The following DGLUCY variants were observed in gnomAD, a reference collection of about 807,000 sequenced individuals.
DGLUCY encodes the protein D-glutamate cyclase, mitochondrial.
Under a neutral mutation model 58.5 loss-of-function variants are expected in DGLUCY, and 58 were observed. The observed-to-expected ratio is 0.99, with a 90% CI of 0.80 to 1.23. The LOEUF is 1.23. Ranked by LOEUF, DGLUCY falls within the 50% of genes most tolerant of loss-of-function variation. The pLI is 0.00. For missense variants in DGLUCY, 779 were observed against 784.7 expected (o/e 0.99, Z 0.09); for synonymous variants, 325 against 314.1 (o/e 1.03, Z -0.37).
At position 91,181,363 on chromosome 14, in the gene DGLUCY, TAG is replaced by T. The variant is rs1179432483; in HGVS notation, c.911_912del (p.Glu304ValfsTer18). ...TCTGCTTCTCAGAAGATCAGAGAAC[TAG>T]AGTCTATGATCGGCATAGACCCAGG... On this transcript the variant is annotated frameshift_variant, in exon 8 of 14. Coordinates refer to ENST00000256324, the MANE Select transcript of DGLUCY (RefSeq NM_001102368.3). LOFTEE classifies it high-confidence loss of function. The T allele has an allele frequency of 6.2e-7, 1 of 1,613,928 alleles. No homozygotes were observed. Among genetic ancestry groups the T allele is most frequent in the African/African-American group, 1.3e-5 (1 of 75,040 alleles).
intron 7 of DGLUCY, among the ~76,000 whole-genome samples, chr14:91,176,573 T>C (rs2048865728): frequency 6.6e-6 from 1 of 152,152 alleles, no homozygotes; most frequent in African/African-American, 2.4e-5. Context: ...CAGAGCACTT[T>C]GTCTTACAAC....
chr14:91,114,201 T>G lies in DGLUCY; in HGVS notation c.-164T>G, dbSNP rs2044769795. The G allele has an allele frequency of 6.6e-6, 1 of 152,320 alleles. No homozygotes were observed. Among genetic ancestry groups the G allele is most frequent in the African/African-American group, 2.4e-5 (1 of 41,454 alleles). The allele number at this position is 152,320 out of a possible 1,614,324, so 9.4% of individuals were successfully genotyped here. A position where few individuals can be genotyped will look rare whatever the true frequency, so the allele number is the denominator to read the frequency against. ...AAGAAAGGGGGCCTTTATGCCCTTT[T>G]GAGGGAAGCACACATTCTGCAAGGC... On this transcript the variant is annotated 5_prime_UTR_variant, in exon 1 of 14. It removes the in-frame stop codon of an upstream open reading frame in the 5' UTR. Coordinates refer to ENST00000256324, the MANE Select transcript of DGLUCY (RefSeq NM_001102368.3).
At chr14:91,171,386 T>G (rs544131970) in intron 5 of DGLUCY, among the ~76,000 whole-genome samples, 1 of 152,328 alleles carries the variant, frequency 6.6e-6, no homozygotes, top group East Asian at 1.9e-4. Context: ...TCAACAGGGC[T>G]TCACTGACCC....
At chr14:91,196,308 A>T (rs532011213) in intron 9 of DGLUCY, 67 bp from the exon 10 acceptor site, 1 of 1,334,406 alleles carries the variant, frequency 7.5e-7, no homozygotes, top group South Asian at 1.2e-5. Context: ...GCTTTTGAAA[A>T]GCCAACGTGA....
At chr14:91,197,636 A>G (rs1438076254) in intron 10 of DGLUCY, among the ~76,000 whole-genome samples, 1 of 152,218 alleles carries the variant, frequency 6.6e-6, no homozygotes, top group African/African-American at 2.4e-5. Context: ...TGTAAGTGGA[A>G]TCATCCAATA....
At chr14:91,127,308 C>T (rs1447232759) in intron 1 of DGLUCY, among the ~76,000 whole-genome samples, 1 of 152,162 alleles carries the variant, frequency 6.6e-6, no homozygotes, top group East Asian at 1.9e-4. Context: ...CCTGCCTCAC[C>T]CTTCCAAAGT....
rs1295341413 is a variant in DGLUCY, at chr14:91,088,149, G to C, written c.-82+27445G>C. 2.0e-5 allele frequency among the ~76,000 whole-genome samples: 3 copies of C among 152,306 alleles called. No homozygotes were observed. The South Asian group carries it at 6.2e-4, about 32-fold the overall frequency. On this transcript the variant is annotated intron_variant, in intron 1 of 4. Coordinates refer to the DGLUCY transcript ENST00000521334. Reference sequence around the variant, plus strand: ...ACCCCATTGGAAATTGCAAGTAAATGTAGAGAAGTCAGTATATGTGCAAAG... The same window carrying C: ...ACCCCATTGGAAATTGCAAGTAAATCTAGAGAAGTCAGTATATGTGCAAAG...
At chr14:91,068,174 C>A (rs2043859542) in intron 1 of DGLUCY, among the ~76,000 whole-genome samples, 1 of 151,860 alleles carries the variant, frequency 6.6e-6, no homozygotes, top group Admixed American at 6.6e-5. Flanking sequence ...TAAGCAGTGT[C>A]CTCACCTTAC....
chr14:91,180,908 G>T (rs1481787766), intron 7 of DGLUCY, among the ~76,000 whole-genome samples: 1 of 152,168 alleles, frequency 6.6e-6, no homozygotes, highest in African/African-American at 2.4e-5. Flanking sequence ...TGATGGAATC[G>T]CCTAGAGCTC....
At chr14:91,157,861 A>G (rs1291228174) in intron 2 of DGLUCY, among the ~76,000 whole-genome samples, 171 bp downstream of exon 2, 2 of 152,198 alleles carry the variant, frequency 1.3e-5, no homozygotes, top group Non-Finnish European at 1.5e-5. Flanking sequence ...AAAACAGTAC[A>G]TAAATAAAGG....
chr14:91,074,114 TATATACAC>T (rs1246467837), intron 1 of DGLUCY, among the ~76,000 whole-genome samples: 1 of 64,462 alleles, frequency 1.6e-5, no homozygotes, highest in Non-Finnish European at 3.1e-5. Flanking sequence ...AATATATATA[TATATACAC>T]ACACACACAC....
intron 7 of DGLUCY, among the ~76,000 whole-genome samples, chr14:91,178,225 G>A (rs1419125943): frequency 6.6e-6 from 1 of 152,010 alleles, no homozygotes; most frequent in Non-Finnish European, 1.5e-5. Context: ...GAGTGCAGTG[G>A]CACGATCACA....
intron 1 of DGLUCY, among the ~76,000 whole-genome samples, chr14:91,146,061 CAG>C (rs1403909450): frequency 2.0e-5 from 3 of 152,086 alleles, no homozygotes; most frequent in African/African-American, 7.2e-5. Context: ...TTTGTAGAGA[CAG>C]GGTCTCACCA....
chr14:91,220,110 A>G lies in DGLUCY; in HGVS notation c.1716+4554A>G, dbSNP rs1053857851. Among the ~76,000 whole-genome samples the G allele has an allele frequency of 2.0e-5, 3 of 152,294 alleles. 1 individual carries two copies. Among genetic ancestry groups the G allele is most frequent in the Admixed American group, 1.3e-4 (2 of 15,302 alleles). ...GTGGACTTCTCTGTTTCCTAGGACC[A>G]AGTCCTTTGTAAAAACATCGGGCCT... On this transcript the variant is annotated intron_variant, in intron 13 of 13. Coordinates refer to ENST00000256324, the MANE Select transcript of DGLUCY (RefSeq NM_001102368.3).
chr14:91,077,444 G>A (rs1055690960), intron 1 of DGLUCY, among the ~76,000 whole-genome samples: 1 of 131,734 alleles, frequency 7.6e-6, no homozygotes, highest in Non-Finnish European at 1.6e-5. Context: ...GGAAGGAAGA[G>A]AGAGAGAACA....
chr14:91,134,160 A>G (rs1389804785), intron 1 of DGLUCY, among the ~76,000 whole-genome samples: 1 of 152,144 alleles, frequency 6.6e-6, no homozygotes, highest in African/African-American at 2.4e-5. Context: ...CTTCCCTGTA[A>G]GTTTTGGAAT....
At chr14:91,128,484 ACT>A (rs1291009094) in intron 1 of DGLUCY, among the ~76,000 whole-genome samples, 1 of 152,020 alleles carries the variant, frequency 6.6e-6, no homozygotes, top group Non-Finnish European at 1.5e-5. Flanking sequence ...ACAGAGCGAG[ACT>A]CTGTCTCAAA....
intron 12 of DGLUCY, among the ~76,000 whole-genome samples, chr14:91,207,032 C>T (rs1299039146): frequency 6.6e-6 from 1 of 151,706 alleles, no homozygotes; most frequent in East Asian, 1.9e-4. Flanking sequence ...GTGGTGCATA[C>T]CTATAGTCCT....
chr14:91,146,456 C>T (rs147214734), intron 1 of DGLUCY, among the ~76,000 whole-genome samples: 35 of 152,342 alleles, frequency 2.3e-4, no homozygotes, highest in African/African-American at 7.7e-4. Flanking sequence ...GGCATCTATG[C>T]CCACTAACGT....
Sources: allele counts gnomAD v4.1 joint callset (sites outside exome capture counted in the v4.1 genomes callset), GRCh38; gene constraint gnomAD v4.1.1; transcripts MANE v1.5; gene names NCBI Gene and HGNC (gene_info 2026-07-23, HGNC 2026-07-21).